Variants in SH3BP4 observed in about 807,000 individuals in gnomAD.
The protein encoded by SH3BP4 is SH3 domain-binding protein 4.
SH3BP4 carries 33 observed loss-of-function variants against 65.5 expected under a neutral mutation model. That is an observed-to-expected ratio of 0.50 (90% CI 0.38 to 0.67). SH3BP4 has a LOEUF of 0.67. SH3BP4 is among the 30% of genes least tolerant of loss of function. The probability of loss-of-function intolerance (pLI) is 0.00; values close to 1 mark genes in which losing one functional copy is unlikely to be tolerated. For synonymous variants in SH3BP4, 552 were observed against 545.5 expected, an observed-to-expected ratio of 1.01 and a Z score of -0.17; for missense variants, 1,134 against 1,261.4, an observed-to-expected ratio of 0.90 and a Z score of 1.53.
At position 235,041,570 on chromosome 2, in the gene SH3BP4, C is replaced by T. The variant is rs769996000; in HGVS notation, c.801C>T (p.Thr267=). ...CTCCCACATCGTCGAGTTTCTTCAC[C>T]GGCTTGAAATCACCTGCCCCCGAGC... The part of the protein sequence containing the change: ...SDAPTSSSFF[T]GLKSPAPEQF... Residue 267 remains threonine, a synonymous_variant, in exon 4 of 6, where the codon ACC becomes ACT. Coordinates refer to ENST00000392011, the MANE Select transcript of SH3BP4 (RefSeq NM_014521.3). This position sits in a 1 kb window ranked among gnomAD's most constrained non-coding sequence, Gnocchi z 6.0. 1.7e-5 allele frequency: 28 copies of T among 1,613,998 alleles called. No individual in the cohort carries two copies. The highest frequency in any genetic ancestry group is 5.5e-5 in the South Asian group (5 of 91,090).
intron 2 of SH3BP4, among the ~76,000 whole-genome samples, chr2:235,012,059 C>G (rs143953062): frequency 1.3e-5 from 2 of 152,296 alleles, no homozygotes; most frequent in South Asian, 4.1e-4. Flanking sequence ...GGCTGGTGCC[C>G]GCACACTCAG....
intron 1 of SH3BP4, among the ~76,000 whole-genome samples, chr2:234,984,606 T>C (rs1200637931): frequency 1.3e-5 from 2 of 152,110 alleles, no homozygotes; most frequent in Non-Finnish European, 2.9e-5. Context: ...GCTTTCTAAA[T>C]TGGGAATTTC....
rs958958305 is a variant in SH3BP4 at position 234,952,721 on chromosome 2, C to G, written c.-207+551C>G. 2.0e-5 allele frequency: 3 copies of G among 152,312 alleles called. No individual in the cohort carries two copies. Among genetic ancestry groups the G allele is most frequent in the Admixed American group, 1.3e-4 (2 of 15,312 alleles). The allele number at this position is 152,312 out of a possible 1,614,324, so 9.4% of individuals were successfully genotyped here. A position where few individuals can be genotyped will look rare whatever the true frequency, so the allele number is the denominator to read the frequency against. ...TATTTCAACTTCTTCGGAGATCCCT[C>G]CTGTGAGGATGAAATTGAAAACTCC... On this transcript the variant is annotated intron_variant, in intron 1 of 5. Coordinates refer to ENST00000392011, the MANE Select transcript of SH3BP4 (RefSeq NM_014521.3). This position sits in a 1 kb window ranked among gnomAD's most constrained non-coding sequence, Gnocchi z 6.5.
At chr2:234,961,269 G>C (rs1692701542) in intron 1 of SH3BP4, among the ~76,000 whole-genome samples, 1 of 152,092 alleles carries the variant, frequency 6.6e-6, no homozygotes, top group Non-Finnish European at 1.5e-5. Flanking sequence ...TGTGGTTTTT[G>C]TTTGTTTGTT....
chr2:235,039,843 A>G (rs1695579198), intron 3 of SH3BP4, among the ~76,000 whole-genome samples: 1 of 152,208 alleles, frequency 6.6e-6, no homozygotes, highest in South Asian at 2.1e-4. Context: ...CTGCTTCAAC[A>G]CTTGTTCAAT....
At chr2:235,049,007 A>C (rs1256968328) in intron 4 of SH3BP4, among the ~76,000 whole-genome samples, 1 of 152,196 alleles carries the variant, frequency 6.6e-6, no homozygotes, top group Non-Finnish European at 1.5e-5. Context: ...TGGCACCCAA[A>C]ATTTGTCCTT....
At chr2:234,985,314 C>T (rs1347196231) in intron 1 of SH3BP4, among the ~76,000 whole-genome samples, 1 of 152,084 alleles carries the variant, frequency 6.6e-6, no homozygotes, top group East Asian at 1.9e-4. Context: ...CCAACATCTG[C>T]CTTAATGACT....
At chr2:235,037,618 C>G (rs1392300002) in intron 3 of SH3BP4, among the ~76,000 whole-genome samples, 6 of 152,122 alleles carry the variant, frequency 3.9e-5, no homozygotes. Flanking sequence ...AAGGACATAA[C>G]CTTTGAGGGA....
At position 235,042,086 on chromosome 2, in the gene SH3BP4, G is replaced by C; in HGVS notation, c.1317G>C (p.Gln439His). The C allele has an allele frequency of 6.2e-7, 1 of 1,613,952 alleles. No individual in the cohort carries two copies. The highest frequency in any genetic ancestry group is 8.5e-7 in the Non-Finnish European group (1 of 1,180,010). ...PLNCSCGDTV[Q>H]AQLHNLEPCM... ...ACTGCAGCTGTGGGGACACGGTCCA[G>C]GCACAGCTGCACAACCTGGAGCCCT... Residue 439 changes from glutamine (Q) to histidine (H), a missense_variant, in exon 4 of 6, where the codon CAG becomes CAC. Coordinates refer to ENST00000392011, the MANE Select transcript of SH3BP4 (RefSeq NM_014521.3). This position sits in a 1 kb window ranked among gnomAD's most constrained non-coding sequence, Gnocchi z 7.3.
chr2:235,042,154 A>G lies in SH3BP4; in HGVS notation c.1385A>G (p.Tyr462Cys), dbSNP rs564142457. 689 of 1,613,814 alleles carry G rather than the reference A, an allele frequency of 4.3e-4. 5 individuals carry two copies. The South Asian group carries it at 6.8e-3, about 16-fold the overall frequency. Residue 462 changes from tyrosine (Y) to cysteine (C), a missense_variant, in exon 4 of 6, where the codon TAC becomes TGC. Coordinates refer to ENST00000392011, the MANE Select transcript of SH3BP4 (RefSeq NM_014521.3). This position sits in a 1 kb window ranked among gnomAD's most constrained non-coding sequence, Gnocchi z 7.3. ...AVVAHGPSILYPSTVWDFINK... is the reference protein window; with the variant it reads ...AVVAHGPSILCPSTVWDFINK... ...GTGGCCCATGGCCCAAGCATCCTCT[A>G]CCCTTCCACCGTGTGGGACTTCATC...
intron 1 of SH3BP4, among the ~76,000 whole-genome samples, chr2:234,962,608 C>G (rs1692740513): frequency 6.6e-6 from 1 of 152,174 alleles, no homozygotes; most frequent in East Asian, 1.9e-4. Context: ...ACTCTGGACA[C>G]TTTCATATGC....
At position 234,952,494 on chromosome 2, in the gene SH3BP4, C is replaced by G. The variant is rs976415753; in HGVS notation, c.-207+324C>G. Among the ~76,000 whole-genome samples, 13 of 151,610 alleles carry G rather than the reference C, an allele frequency of 8.6e-5. No homozygotes were observed. The highest frequency in any genetic ancestry group is 1.8e-4 in the Non-Finnish European group (12 of 67,776). On this transcript the variant is annotated intron_variant, in intron 1 of 5. Transcript: ENST00000392011. This position sits in a 1 kb window ranked among gnomAD's most constrained non-coding sequence, Gnocchi z 6.5. ...GCCGCCCCCCAACCCCGGCTCTGGC[C>G]ACTTCCCGGCGGGCGGCCCTGCGGG...
intron 1 of SH3BP4, among the ~76,000 whole-genome samples, chr2:234,986,201 A>G (rs773173496): frequency 6.6e-6 from 1 of 152,146 alleles, no homozygotes; most frequent in African/African-American, 2.4e-5. Flanking sequence ...ATTCATGAGG[A>G]GGCCCAGTCA....
chr2:235,055,121 G>C lies in SH3BP4; in HGVS notation c.*1305G>C, dbSNP rs578053596. The C allele has an allele frequency of 6.6e-6, 1 of 152,200 alleles. No individual in the cohort carries two copies. 9.4% of individuals were successfully genotyped at this position (152,200 alleles called of 1,614,324 possible). On this transcript the variant is annotated 3_prime_UTR_variant, in exon 6 of 6. Coordinates refer to ENST00000392011, the MANE Select transcript of SH3BP4 (RefSeq NM_014521.3). ...TCTCACAATGCGTCGTAGATGTCGC[G>C]TGTTGGAAGGGAGCAGGAGGAAGGA...
At chr2:235,053,322 A>G (rs1343715052) in intron 5 of SH3BP4, among the ~76,000 whole-genome samples, 1 of 152,228 alleles carries the variant, frequency 6.6e-6, no homozygotes, top group South Asian at 2.1e-4. Context: ...AGAAAGTGCC[A>G]TAAAGATTGT....
rs1695464957 is a variant in SH3BP4, at chr2:235,038,273, AATATATATTATATATAATATATATAT to A, written c.119-2614_119-2589del. On this transcript the variant is annotated intron_variant, in intron 3 of 5. Coordinates refer to ENST00000392011, the MANE Select transcript of SH3BP4 (RefSeq NM_014521.3). ...ATTATATATAATATATATTATATATAATATATATTATATATAATATATATATTATATATATATATTATATATTATAT... is the reference window on the plus strand; with the variant it reads ...ATTATATATAATATATATTATATATATATATATATATATTATATATTATAT... 1.2e-4 allele frequency among the ~76,000 whole-genome samples: 3 copies of A among 26,056 alleles called. No homozygotes were observed. The African/African-American group carries it at 1.3e-3, about 12-fold the overall frequency. The allele number at this position is 26,056 out of a possible 152,430, so 17.1% of individuals were successfully genotyped here. A position where few individuals can be genotyped will look rare whatever the true frequency, so the allele number is the denominator to read the frequency against.
chr2:234,978,065 C>T lies in SH3BP4; in HGVS notation c.-206-17238C>T, dbSNP rs759388882. ...CTGCCTCCTGGGTTTAAGCAATTCT[C>T]CTGCCTCAGCCTCCCGAGTAGCTGG... On this transcript the variant is annotated intron_variant, in intron 1 of 5. Coordinates refer to ENST00000392011, the MANE Select transcript of SH3BP4 (RefSeq NM_014521.3). The surrounding 1 kb of genome is among the most constrained non-coding windows in gnomAD (Gnocchi z 4.1). 1.6e-4 allele frequency among the ~76,000 whole-genome samples: 25 copies of T among 152,198 alleles called. No individual in the cohort carries two copies. Among genetic ancestry groups the T allele is most frequent in the Non-Finnish European group, 1.9e-4 (13 of 68,044 alleles).
chr2:234,996,849 AG>A (rs1293187354), intron 2 of SH3BP4, among the ~76,000 whole-genome samples: 1 of 152,234 alleles, frequency 6.6e-6, no homozygotes, highest in East Asian at 1.9e-4. Context: ...TCGCCAGAGC[AG>A]GCCCCATCCT....
intron 2 of SH3BP4, among the ~76,000 whole-genome samples, chr2:235,012,795 C>T (rs1415842353): frequency 6.6e-6 from 1 of 152,182 alleles, no homozygotes; most frequent in East Asian, 1.9e-4. Context: ...TGCCATTGTC[C>T]CAACTTAGTC....
Sources: allele counts gnomAD v4.1 joint callset (sites outside exome capture counted in the v4.1 genomes callset), GRCh38; gene constraint gnomAD v4.1.1; non-coding constraint Gnocchi (gnomAD v3.1); transcripts MANE v1.5; gene names NCBI Gene and HGNC (gene_info 2026-07-23, HGNC 2026-07-21).